Variants in DLGAP2 observed in about 807,000 individuals in gnomAD.
The protein encoded by DLGAP2 is DLG associated protein 2.
Under a neutral mutation model 100.3 loss-of-function variants are expected in DLGAP2, and 26 were observed. That is an observed-to-expected ratio of 0.26 (90% CI 0.19 to 0.36). DLGAP2 has a LOEUF of 0.36. Among genes scored for constraint, DLGAP2 ranks in the 10% least tolerant of loss-of-function variants. The pLI is 1.00. For missense variants in DLGAP2, 1,858 were observed against 1,453.2 expected (o/e 1.28, Z -4.53); for synonymous variants, 886 against 630.1 (o/e 1.41, Z -6.08).
At chr8:1,167,756 T>G (rs984396795) in intron 2 of DLGAP2, among the ~76,000 whole-genome samples, 6 of 152,164 alleles carry the variant, frequency 3.9e-5, no homozygotes, top group African/African-American at 1.4e-4. Context: ...TGACAAACAT[T>G]TGTTGAACGT....
At chr8:1,202,310 G>A (rs1164208436) in intron 2 of DLGAP2, among the ~76,000 whole-genome samples, 1 of 151,730 alleles carries the variant, frequency 6.6e-6, no homozygotes, top group Non-Finnish European at 1.5e-5. Context: ...GTGTGTGTGT[G>A]TGTATGTACT....
chr8:1,573,076 G>A (rs1802806235), intron 6 of DLGAP2, among the ~76,000 whole-genome samples: 1 of 98,388 alleles, frequency 1.0e-5, no homozygotes, highest in Non-Finnish European at 2.1e-5. Flanking sequence ...AACTGTGGGG[G>A]CATCTGATGA....
chr8:1,475,666 G>A (rs919750663), intron 3 of DLGAP2, among the ~76,000 whole-genome samples: 2 of 152,160 alleles, frequency 1.3e-5, no homozygotes, highest in East Asian at 1.9e-4. Context: ...CCGCAAGGCC[G>A]AGCGGAGAGG....
At chr8:1,646,047 G>C (rs1798033519) in intron 8 of DLGAP2, among the ~76,000 whole-genome samples, 1 of 152,204 alleles carries the variant, frequency 6.6e-6, no homozygotes, top group Admixed American at 6.5e-5. Flanking sequence ...CAACTTGACT[G>C]GGCCATGGAG....
In DLGAP2 at chr8:1,253,880, G is replaced by A. The variant is rs571578233; in HGVS notation, c.74-4971G>A. ...AAAGGGTCCGTGCTGCTGTGAGTAC[G>A]CTTGCTGTGTGTTCAGCTTGCTGGG... On this transcript the variant is annotated intron_variant, in intron 2 of 14. Transcript: ENST00000637795. 5.3e-5 allele frequency among the ~76,000 whole-genome samples: 8 copies of A among 152,350 alleles called. No homozygotes were observed. In the East Asian group the frequency reaches 7.7e-4, roughly 15 times the overall value.
chr8:1,087,436 G>T (rs1194926165), intron 2 of DLGAP2, among the ~76,000 whole-genome samples: 1 of 152,178 alleles, frequency 6.6e-6, no homozygotes, highest in African/African-American at 2.4e-5. Context: ...TCTCAAGGCT[G>T]TGAGCAGCAT....
intron 3 of DLGAP2, among the ~76,000 whole-genome samples, chr8:1,435,246 G>C (rs996371012): frequency 1.3e-5 from 2 of 152,194 alleles, no homozygotes; most frequent in Non-Finnish European, 2.9e-5. Flanking sequence ...TGGAATGAGG[G>C]CAACAAAGCC....
At position 1,626,902 on chromosome 8, in the gene DLGAP2, G is replaced by A. The variant is rs369620454; in HGVS notation, c.1590+15G>A. On this transcript the variant is annotated intron_variant, in intron 7 of 14. Transcript: ENST00000637795. ...GCGTGAGCCAGGTCAGGGTCCCTTC[G>A]CCCTTTCTCCCTGGGGTCCAGTCTC... 7.6e-6 allele frequency: 12 copies of A among 1,577,350 alleles called. No homozygotes were observed. Among genetic ancestry groups the A allele is most frequent in the Non-Finnish European group, 1.0e-5 (12 of 1,161,902 alleles).
chr8:985,211 G>A (rs1465419375), intron 2 of DLGAP2, among the ~76,000 whole-genome samples: 1 of 152,200 alleles, frequency 6.6e-6, no homozygotes, highest in African/African-American at 2.4e-5. Context: ...GTGGAAATGA[G>A]TCAAGATACA....
chr8:1,168,086 G>T (rs565124002), intron 2 of DLGAP2, among the ~76,000 whole-genome samples: 245 of 129,224 alleles, frequency 1.9e-3, no homozygotes, highest in Admixed American at 4.2e-3. Flanking sequence ...CTGTGTCCAC[G>T]TGTTCTCATT....
intron 2 of DLGAP2, among the ~76,000 whole-genome samples, chr8:1,133,592 A>G (rs939851137): frequency 9.2e-5 from 14 of 152,236 alleles, no homozygotes; most frequent in African/African-American, 3.4e-4. Context: ...AAGGGCCTGG[A>G]CACAAACACT....
intron 1 of DLGAP2, among the ~76,000 whole-genome samples, chr8:854,115 A>G (rs1243116154): frequency 3.3e-5 from 5 of 152,146 alleles, no homozygotes; most frequent in Non-Finnish European, 7.4e-5. Context: ...TGGGAGATGA[A>G]TTCCCGTTTC....
chr8:1,495,478 T>G (rs1799518773), intron 3 of DLGAP2, among the ~76,000 whole-genome samples: 1 of 152,188 alleles, frequency 6.6e-6, no homozygotes, highest in Admixed American at 6.5e-5. Context: ...AGAGTGGCGC[T>G]GCTGAGGGGC....
At chr8:1,210,061 G>T (rs1158875393) in intron 2 of DLGAP2, among the ~76,000 whole-genome samples, 2 of 152,154 alleles carry the variant, frequency 1.3e-5, no homozygotes, top group Admixed American at 6.5e-5. Flanking sequence ...TACAACCCCT[G>T]AGCCTAAGAG....
At chr8:1,326,879 A>G (rs1342623882) in intron 3 of DLGAP2, among the ~76,000 whole-genome samples, 1 of 152,242 alleles carries the variant, frequency 6.6e-6, no homozygotes, top group Non-Finnish European at 1.5e-5. Flanking sequence ...GGAAACATGT[A>G]AACACAGTGA....
At chr8:1,458,098 G>A (rs1240963702) in intron 3 of DLGAP2, among the ~76,000 whole-genome samples, 1 of 149,082 alleles carries the variant, frequency 6.7e-6, no homozygotes, top group Non-Finnish European at 1.5e-5. Context: ...AGTAGAGACG[G>A]GGTTTCACCA....
rs537018086 is a variant in DLGAP2 at position 825,630 on chromosome 8, G to A, written c.19-82282G>A. 1.5e-3 allele frequency among the ~76,000 whole-genome samples: 225 copies of A among 152,268 alleles called. 3 individuals are homozygous for A. The highest frequency in any genetic ancestry group is 5.0e-3 in the African/African-American group (209 of 41,544). Reference sequence around the variant, plus strand: ...TCTCGCTGTTCTTCCTCTTCAGTCTGAAGTTTATCCATTTTATTGATTTTA... The same window carrying A: ...TCTCGCTGTTCTTCCTCTTCAGTCTAAAGTTTATCCATTTTATTGATTTTA... On this transcript the variant is annotated intron_variant, in intron 1 of 14. Transcript: ENST00000637795.
At chr8:1,003,648 A>C (rs1034507835) in intron 2 of DLGAP2, among the ~76,000 whole-genome samples, 8 of 152,182 alleles carry the variant, frequency 5.3e-5, no homozygotes, top group Non-Finnish European at 1.0e-4. Flanking sequence ...GGGGCTGAGC[A>C]TCTGGAGATT....
At chr8:1,426,300 A>C (rs536133350) in intron 3 of DLGAP2, among the ~76,000 whole-genome samples, 1 of 152,188 alleles carries the variant, frequency 6.6e-6, no homozygotes, top group Non-Finnish European at 1.5e-5. Context: ...GAGACCTAAA[A>C]TTGGGAAGGA....
Sources: gnomAD v4.1 joint callset for allele counts (sites outside exome capture counted in the v4.1 genomes callset) on GRCh38, gnomAD v4.1.1 for gene constraint, MANE v1.5 for transcripts, NCBI Gene and HGNC (gene_info 2026-07-23, HGNC 2026-07-21) for gene names.